The following EYS variants were observed in gnomAD, a reference collection of about 807,000 sequenced individuals.
The protein encoded by EYS is protein eyes shut homolog.
A neutral mutation model predicts 282.1 loss-of-function variants in EYS; 250 were observed. The ratio of observed to expected loss-of-function variants is 0.89; its 90% CI spans 0.80 to 0.98. The LOEUF (loss-of-function observed/expected upper bound fraction) is 0.98. Among genes scored for constraint, EYS ranks in the 50% least tolerant of loss-of-function variants. The pLI, the probability that EYS is intolerant of heterozygous loss-of-function variation, is 0.00. For missense variants in EYS, 4,016 were observed against 3,709.0 expected (o/e 1.08, Z -2.15); for synonymous variants, 1,355 against 1,282.9 (o/e 1.06, Z -1.20).
At chr6:64,461,003 A>G (rs2150485020) in intron 26 of EYS, among the ~76,000 whole-genome samples, 1 of 152,334 alleles carries the variant, frequency 6.6e-6, no homozygotes, top group Non-Finnish European at 1.5e-5. Flanking sequence ...TACATGTAAT[A>G]TTATATTGAG....
chr6:65,346,406 GA>G (rs750357736), intron 9 of EYS, among the ~76,000 whole-genome samples: 4 of 114,424 alleles, frequency 3.5e-5, no homozygotes, highest in East Asian at 2.7e-4. Context: ...TACCCTTATT[GA>G]AAAAAAAAAC....
At chr6:64,275,495 G>T (rs1768081067) in intron 30 of EYS, among the ~76,000 whole-genome samples, 1 of 148,068 alleles carries the variant, frequency 6.8e-6, no homozygotes. Context: ...TGTCACCCAG[G>T]CAGTGGTGTG....
At position 65,402,602 on chromosome 6, in the gene EYS, C is replaced by A; in HGVS notation, c.1060G>T (p.Val354Phe). The A allele has an allele frequency of 1.3e-6, 2 of 1,572,964 alleles. No homozygotes were observed. The highest frequency in any genetic ancestry group is 1.7e-6 in the Non-Finnish European group (2 of 1,144,036). ...GTDCIKISND[V>F]MCICSPIFTD... ...AATATTGGTGAACAGATGCACATAACATCCTAGGAAAGATTAAAAAAATAT... is the reference window on the plus strand; with the variant it reads ...AATATTGGTGAACAGATGCACATAAAATCCTAGGAAAGATTAAAAAAATAT... Residue 354 changes from valine to phenylalanine, a missense_variant, in exon 7 of 43, where the codon GTT becomes TTT. Physicochemically the swap from Val to Phe is conservative, Grantham distance 50. Transcript: ENST00000503581.
At chr6:64,898,760 T>C (rs1767555753) in intron 18 of EYS, among the ~76,000 whole-genome samples, 1 of 149,348 alleles carries the variant, frequency 6.7e-6, no homozygotes, top group African/African-American at 2.5e-5. Flanking sequence ...TGGAAGAATA[T>C]TTACCAACAA....
At chr6:65,554,492 A>C (rs1188807596) in intron 2 of EYS, among the ~76,000 whole-genome samples, 1 of 152,040 alleles carries the variant, frequency 6.6e-6, no homozygotes, top group Non-Finnish European at 1.5e-5. Flanking sequence ...TCTTGTTTTG[A>C]AAGATGCTTT....
At chr6:64,369,707 T>A (rs57209264) in intron 29 of EYS, among the ~76,000 whole-genome samples, 4,735 of 152,094 alleles carry the variant, frequency 0.031, 234 homozygotes, top group African/African-American at 0.11. Context: ...ACAATAGGAT[T>A]CTATACCAAG....
intron 37 of EYS, among the ~76,000 whole-genome samples, chr6:63,802,071 G>A (rs2149676933): frequency 6.6e-6 from 1 of 152,076 alleles, no homozygotes; most frequent in Admixed American, 6.6e-5. Flanking sequence ...CATTGACTTG[G>A]GTCATTTCTT....
At chr6:63,763,221 G>A (rs1769693201) in intron 40 of EYS, among the ~76,000 whole-genome samples, 1 of 152,036 alleles carries the variant, frequency 6.6e-6, no homozygotes, top group African/African-American at 2.4e-5. Flanking sequence ...GGCAGTAAGT[G>A]GTTTCTGGCT....
intron 24 of EYS, among the ~76,000 whole-genome samples, chr6:64,600,327 C>T (rs983410555): frequency 6.8e-4 from 104 of 151,850 alleles, no homozygotes; most frequent in Non-Finnish European, 1.4e-3. Context: ...TAGGATATTT[C>T]TCTATGTGGT....
intron 18 of EYS, among the ~76,000 whole-genome samples, chr6:64,887,283 G>A (rs1414392497): frequency 7.9e-6 from 1 of 126,744 alleles, no homozygotes; most frequent in East Asian, 2.9e-4. Flanking sequence ...ACTGTTGTGG[G>A]GTGGGGGGAG....
At chr6:64,644,940 C>A (rs1412500120) in intron 22 of EYS, among the ~76,000 whole-genome samples, 1 of 152,156 alleles carries the variant, frequency 6.6e-6, no homozygotes, top group African/African-American at 2.4e-5. Flanking sequence ...GCTTCCTGAA[C>A]TCTTTTATTA....
intron 2 of EYS, among the ~76,000 whole-genome samples, chr6:65,624,434 G>A (rs4446546): frequency 0.36 from 54,354 of 152,088 alleles, 12,116 homozygotes; most frequent in Non-Finnish European, 0.49. Flanking sequence ...AGTCCTTAAA[G>A]GAGGAGAGCC....
chr6:65,506,460 CTTTTTTTTTTTTTTTTTTTTTTTTT>C lies in EYS; in HGVS notation c.-332-10492_-332-10468del, dbSNP rs58326040. 2.2e-4 allele frequency among the ~76,000 whole-genome samples: 14 copies of C among 64,892 alleles called. 1 individual carries two copies. The highest frequency in any genetic ancestry group is 6.8e-4 in the South Asian group (1 of 1,468). The allele number at this position is 64,892 out of a possible 152,430, so 42.6% of individuals were successfully genotyped here. On this transcript the variant is annotated intron_variant, in intron 2 of 42. Transcript: ENST00000503581. Reference sequence around the variant, plus strand: ...GGTTTACAATATCCTTCCTTCCTTTCTTTTTTTTTTTTTTTTTTTTTTTTTTTTTTTTTTTTTTTTGGCAGAGTCT... The same window carrying C: ...GGTTTACAATATCCTTCCTTCCTTTCTTTTTTTTTTTTTTTGGCAGAGTCT...
chr6:64,477,091 C>CTTGGGGTGAG (rs1776294618), intron 26 of EYS, among the ~76,000 whole-genome samples: 2 of 152,142 alleles, frequency 1.3e-5, no homozygotes, highest in Admixed American at 1.3e-4. Context: ...CACCAAGGCC[C>CTTGGGGTGAG]TCACACCAGC....
At chr6:64,835,555 T>G (rs1377645639) in intron 19 of EYS, among the ~76,000 whole-genome samples, 2 of 151,680 alleles carry the variant, frequency 1.3e-5, no homozygotes, top group Non-Finnish European at 3.0e-5. Context: ...TCACTGAATC[T>G]TATGTACTAG....
intron 11 of EYS, among the ~76,000 whole-genome samples, chr6:65,306,859 A>AAAAAAAAAG (rs1346343044): frequency 1.5e-4 from 22 of 142,454 alleles, no homozygotes; most frequent in Non-Finnish European, 2.3e-4. Flanking sequence ...AAAAAAAAAA[A>AAAAAAAAAG]AAAGAAAGTC....
intron 26 of EYS, among the ~76,000 whole-genome samples, chr6:64,451,912 G>A (rs1775364305): frequency 1.3e-5 from 2 of 152,144 alleles, no homozygotes; most frequent in African/African-American, 4.8e-5. Context: ...ATACTGAATG[G>A]ACAAAAACTG....
chr6:63,939,975 G>A (rs940038929), intron 35 of EYS, among the ~76,000 whole-genome samples: 2 of 152,160 alleles, frequency 1.3e-5, no homozygotes, highest in Non-Finnish European at 2.9e-5. Context: ...ACCTCTTGTG[G>A]CTATTGAGGT....
At chr6:64,877,770 T>G (rs920586792) in intron 19 of EYS, among the ~76,000 whole-genome samples, 1 of 152,006 alleles carries the variant, frequency 6.6e-6, no homozygotes, top group African/African-American at 2.4e-5. Flanking sequence ...TTCAAAATTC[T>G]TTTTTTTAAA....
Sources: allele counts gnomAD v4.1 joint callset (sites outside exome capture counted in the v4.1 genomes callset), GRCh38; gene constraint gnomAD v4.1.1; transcripts MANE v1.5; gene names NCBI Gene and HGNC (gene_info 2026-07-23, HGNC 2026-07-21).